XRCC4: variants seen among roughly 807,000 people sequenced by gnomAD.
XRCC4 encodes the protein X-ray repair cross complementing 4, also known as DNA repair protein XRCC4.
A neutral mutation model predicts 39.1 loss-of-function variants in XRCC4; 28 were observed. The observed-to-expected ratio is 0.72, with a 90% confidence interval of 0.53 to 0.98. The LOEUF (loss-of-function observed/expected upper bound fraction) is 0.98. Among genes scored for constraint, XRCC4 ranks in the 50% least tolerant of loss-of-function variants. The pLI is 0.00. For missense variants in XRCC4, 350 were observed against 376.4 expected, an observed-to-expected ratio of 0.93 and a Z score of 0.58; for synonymous variants, 123 against 126.4, an observed-to-expected ratio of 0.97 and a Z score of 0.18.
rs546254313 is a variant in XRCC4 at position 83,273,604 on chromosome 5, G to T, written c.893+14927G>T. ...GAGTTGATTTTTGTATAAGGTGTAA[G>T]GAAGGGATCTAGTTTCAGTTTTCTG... On this transcript the variant is annotated intron_variant, in intron 7 of 7. Transcript: ENST00000396027. Among the ~76,000 whole-genome samples, 15 of 152,278 alleles carry T rather than the reference G, an allele frequency of 9.9e-5. No individual in the cohort carries two copies. In the East Asian group the frequency reaches 2.9e-3, roughly 29 times the overall value.
intron 3 of XRCC4, among the ~76,000 whole-genome samples, chr5:83,143,896 G>A (rs888552732): frequency 1.3e-5 from 2 of 151,674 alleles, no homozygotes; most frequent in African/African-American, 4.8e-5. Flanking sequence ...GTGCCTAGGA[G>A]TTTTCTTTCT....
chr5:83,082,983 G>T (rs11750799), intron 1 of XRCC4, among the ~76,000 whole-genome samples: 75,197 of 150,712 alleles, frequency 0.5, 19,526 homozygotes, highest in African/African-American at 0.65. Context: ...ACTGACTGCT[G>T]CTTCTTTCTA....
chr5:83,334,689 A>ATG (rs1756541887), intron 7 of XRCC4, among the ~76,000 whole-genome samples: 1 of 151,842 alleles, frequency 6.6e-6, no homozygotes, highest in Non-Finnish European at 1.5e-5. Context: ...ATATATATAT[A>ATG]TAAGATAGAC....
At chr5:83,165,830 C>T (rs939183975) in intron 3 of XRCC4, among the ~76,000 whole-genome samples, 7 of 151,612 alleles carry the variant, frequency 4.6e-5, no homozygotes, top group South Asian at 4.2e-4. Flanking sequence ...CTTGTGGCTG[C>T]GTAGTATTTC....
chr5:83,131,616 C>G (rs1196594465), intron 3 of XRCC4, among the ~76,000 whole-genome samples: 1 of 152,012 alleles, frequency 6.6e-6, no homozygotes, highest in African/African-American at 2.4e-5. Flanking sequence ...TGAATTGGTG[C>G]CTTTACCATT....
chr5:83,140,189 C>T (rs919855246), intron 3 of XRCC4, among the ~76,000 whole-genome samples: 9 of 152,152 alleles, frequency 5.9e-5, no homozygotes, highest in African/African-American at 1.7e-4. Context: ...TGAAGTCCCA[C>T]GACAGGGCGT....
chr5:83,192,125 TAA>T (rs961737472), intron 3 of XRCC4, among the ~76,000 whole-genome samples: 9 of 145,284 alleles, frequency 6.2e-5, no homozygotes, highest in Admixed American at 4.8e-4. Flanking sequence ...TGATAACTAT[TAA>T]GAGTCAACTA....
At chr5:83,127,246 A>G (rs369059901) in intron 3 of XRCC4, among the ~76,000 whole-genome samples, 40 of 152,202 alleles carry the variant, frequency 2.6e-4, no homozygotes, top group African/African-American at 8.9e-4. Context: ...TGTGTGTGGA[A>G]AACTTAACCC....
intron 7 of XRCC4, among the ~76,000 whole-genome samples, chr5:83,298,230 G>GA (rs527807854): frequency 0.099 from 14,144 of 142,910 alleles, 1,081 homozygotes; most frequent in African/African-American, 0.22. Context: ...TATGTGTGTT[G>GA]AAAAAAAAAA....
At chr5:83,152,502 G>A (rs1295255953) in intron 3 of XRCC4, among the ~76,000 whole-genome samples, 7 of 151,892 alleles carry the variant, frequency 4.6e-5, no homozygotes, top group East Asian at 1.9e-4. Context: ...GCTTGGTGGC[G>A]GGTGCCTGTA....
At position 83,104,942 on chromosome 5, in the gene XRCC4, TC is replaced by T. The variant is rs869320677; in HGVS notation, c.25del (p.His9ThrfsTer8). On this transcript the variant is annotated frameshift_variant, in exon 2 of 8. Coordinates refer to ENST00000396027, the MANE Select transcript of XRCC4 (RefSeq NM_003401.5). LOFTEE classifies it high-confidence loss of function. MERKISR[I>X]HLVSEPSITH... ...GAAATGGAGAGAAAAATAAGCAGAA[TC>T]CACCTTGTTTCTGAACCCAGTATAA... The T allele has an allele frequency of 4.2e-4, 673 of 1,613,268 alleles. No homozygotes were observed. The highest frequency in any genetic ancestry group is 5.1e-4 in the Non-Finnish European group (604 of 1,179,464).
chr5:83,095,470 A>T (rs1384812734), intron 1 of XRCC4, among the ~76,000 whole-genome samples: 1 of 152,054 alleles, frequency 6.6e-6, no homozygotes, highest in Non-Finnish European at 1.5e-5. Flanking sequence ...GCTAGGGACC[A>T]CTCTGGTTAA....
the XRCC4 span, among the ~76,000 whole-genome samples, chr5:83,373,019 A>G: frequency 3.3e-5 from 5 of 152,144 alleles, no homozygotes; most frequent in African/African-American, 9.7e-5. Flanking sequence ...TCGAACATCC[A>G]AGGGACCAGT....
intron 2 of XRCC4, among the ~76,000 whole-genome samples, chr5:83,109,060 G>A (rs1746330362): frequency 6.6e-6 from 1 of 151,612 alleles, no homozygotes; most frequent in African/African-American, 2.4e-5. Flanking sequence ...ATCAAAACTT[G>A]TTATCAAAAA....
intron 7 of XRCC4, among the ~76,000 whole-genome samples, chr5:83,351,374 T>C (rs1158750176): frequency 6.6e-6 from 1 of 152,212 alleles, no homozygotes; most frequent in African/African-American, 2.4e-5. Flanking sequence ...CCATGCACCA[T>C]TTATTGTATT....
At chr5:83,353,028 C>T in intron 7 of XRCC4, 103 bp from the exon 8 acceptor site, 1 of 899,770 alleles carries the variant, frequency 1.1e-6, no homozygotes, top group Admixed American at 2.7e-5. Context: ...CAATTTGAAA[C>T]AGGATTTAAC....
chr5:83,118,046 A>T (rs1238679391), intron 3 of XRCC4, among the ~76,000 whole-genome samples: 29 of 19,354 alleles, frequency 1.5e-3, no homozygotes, highest in Non-Finnish European at 5.3e-3. Flanking sequence ...ATACATCTCC[A>T]CACACACACA....
chr5:83,196,034 T>C, intron 4 of XRCC4, 98 bp downstream of exon 4: 3 of 1,219,200 alleles, frequency 2.5e-6, no homozygotes, highest in Non-Finnish European at 2.2e-6. Flanking sequence ...TATATGTGGA[T>C]TAGCACATAT....
intron 1 of XRCC4, among the ~76,000 whole-genome samples, chr5:83,096,959 A>G (rs528355616): frequency 6.6e-6 from 1 of 152,304 alleles, no homozygotes; most frequent in East Asian, 1.9e-4. Flanking sequence ...CCCTGGATAT[A>G]TTAGAACTTG....
Sources: allele counts gnomAD v4.1 joint callset (sites outside exome capture counted in the v4.1 genomes callset), GRCh38; gene constraint gnomAD v4.1.1; transcripts MANE v1.5; gene names NCBI Gene and HGNC (gene_info 2026-07-23, HGNC 2026-07-21).